The following LRP1B variants were observed in gnomAD, a reference collection of about 807,000 sequenced individuals.
LRP1B encodes the protein LDL receptor related protein 1B.
LRP1B carries 217 observed loss-of-function variants against 556.6 expected under a neutral mutation model. That is an observed-to-expected ratio of 0.39 (90% CI 0.35 to 0.44). The LOEUF is 0.44. Ranked by LOEUF, LRP1B falls within the 20% of genes least tolerant of loss-of-function variation. The pLI is 1.00. For synonymous variants in LRP1B, 2,047 were observed against 1,865.8 expected (o/e 1.10, Z -2.50); for missense variants, 5,053 against 5,620.8 (o/e 0.90, Z 3.23).
chr2:141,003,139 A>G (rs1271357222), intron 15 of LRP1B, among the ~76,000 whole-genome samples: 2 of 152,082 alleles, frequency 1.3e-5, no homozygotes, highest in Admixed American at 1.3e-4. Context: ...CATAAATGGT[A>G]ACAGAAACAG....
intron 41 of LRP1B, among the ~76,000 whole-genome samples, chr2:140,644,885 C>A (rs540009115): frequency 3.2e-4 from 49 of 151,976 alleles, no homozygotes; most frequent in Non-Finnish European, 5.7e-4. Flanking sequence ...GTTTTCTAAT[C>A]TAAATATATA....
intron 66 of LRP1B, among the ~76,000 whole-genome samples, chr2:140,426,401 T>C (rs1280278697): frequency 1.3e-5 from 2 of 152,222 alleles, no homozygotes; most frequent in Non-Finnish European, 2.9e-5. Flanking sequence ...CTTTCAGGCC[T>C]CTGAGCCCAA....
At chr2:141,920,149 T>A (rs1245344973) in intron 1 of LRP1B, among the ~76,000 whole-genome samples, 1 of 151,904 alleles carries the variant, frequency 6.6e-6, no homozygotes, top group Non-Finnish European at 1.5e-5. Flanking sequence ...TACAAATTGC[T>A]CATGCTTTCA....
intron 49 of LRP1B, among the ~76,000 whole-genome samples, chr2:140,525,364 T>A (rs191240387): frequency 1.3e-5 from 2 of 151,970 alleles, no homozygotes; most frequent in African/African-American, 4.8e-5. Flanking sequence ...AACAGTCAGA[T>A]ATAAATGAAC....
intron 6 of LRP1B, among the ~76,000 whole-genome samples, chr2:141,202,354 G>A (rs1682068549): frequency 6.6e-6 from 1 of 152,126 alleles, no homozygotes; most frequent in Non-Finnish European, 1.5e-5. Context: ...CTTTGCTATT[G>A]TGAATAGTTC....
In LRP1B at chr2:140,766,315, C is replaced by T. The variant is rs181579582; in HGVS notation, c.5758+2898G>A. ...TTTCTCTCTCTCTCTAATTTCCCTC[C>T]AAGAAGTAACAGAGCTTGTATATCA... On this transcript the variant is annotated intron_variant, in intron 35 of 90. Transcript: ENST00000389484. 6.6e-5 allele frequency among the ~76,000 whole-genome samples: 10 copies of T among 151,964 alleles called. No homozygotes were observed. In the East Asian group the frequency reaches 1.4e-3, roughly 21 times the overall value.
chr2:140,787,652 C>G (rs1267791664), intron 32 of LRP1B, among the ~76,000 whole-genome samples: 1 of 142,670 alleles, frequency 7.0e-6, no homozygotes, highest in Non-Finnish European at 1.5e-5. Flanking sequence ...CTCACTGTAG[C>G]CTCCACCTCC....
rs1057206550 is a variant in LRP1B, at chr2:140,425,957, T to G, written c.10414+16547A>C. On this transcript the variant is annotated intron_variant, in intron 66 of 90. Coordinates refer to ENST00000389484, the MANE Select transcript of LRP1B (RefSeq NM_018557.3). ...TTCCTGGAGTTACTAATAAAATGGC[T>G]TAATATTTTCAGGTGTTCATTAATT... Among the ~76,000 whole-genome samples the G allele has an allele frequency of 3.3e-5, 5 of 152,204 alleles. No homozygotes were observed. The East Asian group carries it at 9.6e-4, about 29-fold the overall frequency.
chr2:140,802,013 A>T (rs1161005517), intron 32 of LRP1B, among the ~76,000 whole-genome samples: 1 of 152,218 alleles, frequency 6.6e-6, no homozygotes, highest in Non-Finnish European at 1.5e-5. Context: ...TTGAGGATCA[A>T]GGAAAAAAAC....
chr2:140,406,221 C>A (rs1317187112), intron 66 of LRP1B, among the ~76,000 whole-genome samples: 1 of 151,950 alleles, frequency 6.6e-6, no homozygotes, highest in Admixed American at 6.6e-5. Context: ...TATGTCAAAC[C>A]CACAGCCACC....
chr2:141,241,224 G>C (rs543647322), intron 5 of LRP1B, among the ~76,000 whole-genome samples: 35 of 152,192 alleles, frequency 2.3e-4, no homozygotes, highest in African/African-American at 8.4e-4. Context: ...AAAAGATGTA[G>C]AGTAAAAATA....
chr2:141,401,596 C>T (rs1690455786), intron 3 of LRP1B, among the ~76,000 whole-genome samples: 2 of 152,176 alleles, frequency 1.3e-5, no homozygotes, highest in African/African-American at 4.8e-5. Context: ...TCATATTCCA[C>T]ATTTCAGAGA....
Position 140,675,649 on chromosome 2 carries a change from C to T in LRP1B, c.6799+24601G>A, listed in dbSNP as rs184237400. Reference sequence around the variant, plus strand: ...AAAAAAATAGCTGATTGTGGTGGTGCTCCTGTAGTTCCAGCTACTCAGGAA... The same window carrying T: ...AAAAAAATAGCTGATTGTGGTGGTGTTCCTGTAGTTCCAGCTACTCAGGAA... On this transcript the variant is annotated intron_variant, in intron 41 of 90. Coordinates refer to ENST00000389484, the MANE Select transcript of LRP1B (RefSeq NM_018557.3). Among the ~76,000 whole-genome samples, 5 of 152,214 alleles carry T rather than the reference C, an allele frequency of 3.3e-5. No homozygotes were observed. In the East Asian group the frequency reaches 9.7e-4, roughly 29 times the overall value.
intron 43 of LRP1B, among the ~76,000 whole-genome samples, chr2:140,587,547 A>G (rs75653923): frequency 0.019 from 2,865 of 152,298 alleles, 101 homozygotes; most frequent in African/African-American, 0.064. Flanking sequence ...TAGAGAGTAG[A>G]ATAGTAGCTA....
intron 1 of LRP1B, among the ~76,000 whole-genome samples, chr2:142,055,404 G>T (rs1054247845): frequency 6.6e-6 from 1 of 152,100 alleles, no homozygotes; most frequent in Non-Finnish European, 1.5e-5. Context: ...AAGACTATTT[G>T]CAGAGAAGAG....
At chr2:141,732,539 A>T (rs2105521709) in intron 2 of LRP1B, among the ~76,000 whole-genome samples, 1 of 152,232 alleles carries the variant, frequency 6.6e-6, no homozygotes, top group Admixed American at 6.5e-5. Flanking sequence ...TTTAAACATC[A>T]TCAACTGAGG....
intron 1 of LRP1B, among the ~76,000 whole-genome samples, chr2:142,121,617 G>A (rs946585308): frequency 3.9e-5 from 6 of 152,126 alleles, no homozygotes; most frequent in Non-Finnish European, 2.9e-5. Flanking sequence ...GGCCTTCTGC[G>A]ATTATAACTA....
intron 7 of LRP1B, among the ~76,000 whole-genome samples, chr2:141,078,330 C>T (rs1454468343): frequency 6.6e-6 from 1 of 151,712 alleles, no homozygotes; most frequent in Admixed American, 6.6e-5. Context: ...GAAAAAAGCC[C>T]TTCTTTCTCC....
chr2:141,074,325 G>T (rs1574046979), intron 7 of LRP1B, among the ~76,000 whole-genome samples: 1 of 152,026 alleles, frequency 6.6e-6, no homozygotes, highest in Non-Finnish European at 1.5e-5. Context: ...TCCTGTGAAA[G>T]ATCTTTTCTG....
Sources: allele counts gnomAD v4.1 joint callset (sites outside exome capture counted in the v4.1 genomes callset), GRCh38; gene constraint gnomAD v4.1.1; transcripts MANE v1.5; gene names NCBI Gene and HGNC (gene_info 2026-07-23, HGNC 2026-07-21).